The following VAMP7 variants were observed in gnomAD, a reference collection of about 807,000 sequenced individuals.
VAMP7 encodes the protein vesicle associated membrane protein 7, also known as vesicle-associated membrane protein 7.
In VAMP7, 14 loss-of-function variants were observed where a neutral mutation model predicts 29.6. The ratio of observed to expected loss-of-function variants is 0.47; its 90% CI spans 0.31 to 0.74. The LOEUF is 0.74. Ranked by LOEUF, VAMP7 falls within the 30% of genes least tolerant of loss-of-function variation. VAMP7 has a pLI of 0.05. For missense variants in VAMP7, 223 were observed against 262.4 expected (o/e 0.85, Z 1.04); for synonymous variants, 95 against 88.1 (o/e 1.08, Z -0.44).
At chrX:155,927,481 C>CAAAAAA (rs531998416) in intron 6 of VAMP7, among the ~76,000 whole-genome samples, 16 of 111,606 alleles carry the variant, frequency 1.4e-4, no homozygotes, top group African/African-American at 5.2e-4. Flanking sequence ...TTCGATTTGC[C>CAAAAAA]AAAAAAAAAA....
chrX:155,926,651 C>T (rs2066471317), intron 6 of VAMP7, among the ~76,000 whole-genome samples: 1 of 152,182 alleles, frequency 6.6e-6, no homozygotes, highest in African/African-American at 2.4e-5. Flanking sequence ...AGTAGCACTC[C>T]TGATTTCCTT....
intron 6 of VAMP7, among the ~76,000 whole-genome samples, chrX:155,926,021 G>T (rs1413043889): frequency 6.6e-6 from 1 of 152,112 alleles, no homozygotes; most frequent in Non-Finnish European, 1.5e-5. Flanking sequence ...CAGATCTTCT[G>T]TACACCATCC....
rs778335440 is a variant in VAMP7, at chrX:155,943,165, A to G, written c.*1214A>G. The G allele has an allele frequency of 4.7e-5, 7 of 148,736 alleles. No homozygotes were observed. The South Asian group carries it at 1.3e-3, about 29-fold the overall frequency. The allele number at this position is 148,736 out of a possible 1,614,324, so 9.2% of individuals were successfully genotyped here. On this transcript the variant is annotated 3_prime_UTR_variant, in exon 8 of 8. Transcript: ENST00000286448. ...GCATTTCTGGTGTGTATCTGAAAGG[A>G]AGACATTTTCTACCCTAGATCCAAT...
At chrX:155,936,111 T>TGG (rs1401311261) in intron 6 of VAMP7, among the ~76,000 whole-genome samples, 1 of 152,112 alleles carries the variant, frequency 6.6e-6, no homozygotes, top group Non-Finnish European at 1.5e-5. Flanking sequence ...CTGCCTCTAC[T>TGG]GGGGGGTACC....
intron 5 of VAMP7, among the ~76,000 whole-genome samples, chrX:155,905,300 C>G (rs985038442): frequency 6.6e-6 from 1 of 151,840 alleles, no homozygotes; most frequent in Non-Finnish European, 1.5e-5. Flanking sequence ...TATAACAGTA[C>G]TTTATATATT....
At chrX:155,912,162 A>G (rs1365242726) in intron 5 of VAMP7, among the ~76,000 whole-genome samples, 1 of 152,008 alleles carries the variant, frequency 6.6e-6, no homozygotes, top group Admixed American at 6.6e-5. Context: ...TATTCCTTCT[A>G]TGCCTAGTTT....
At chrX:155,940,584 AG>A (rs1006645357) in intron 7 of VAMP7, among the ~76,000 whole-genome samples, 12 of 151,790 alleles carry the variant, frequency 7.9e-5, no homozygotes, top group African/African-American at 2.7e-4. Flanking sequence ...TGATTTGTGC[AG>A]CTGAATTGTT....
intron 6 of VAMP7, among the ~76,000 whole-genome samples, chrX:155,926,137 T>C (rs2376577): frequency 0.62 from 94,038 of 151,952 alleles, 29,298 homozygotes; most frequent in African/African-American, 0.69. Flanking sequence ...GAATGGTAAA[T>C]TACCATTGGC....
chrX:155,921,888 G>A (rs2066400876), intron 6 of VAMP7, among the ~76,000 whole-genome samples: 1 of 151,754 alleles, frequency 6.6e-6, no homozygotes, highest in Non-Finnish European at 1.5e-5. Context: ...TTAATATATA[G>A]GTCACTTTAG....
chrX:155,908,158 G>C (rs1469312415), intron 5 of VAMP7, among the ~76,000 whole-genome samples: 1 of 152,240 alleles, frequency 6.6e-6, no homozygotes, highest in African/African-American at 2.4e-5. Flanking sequence ...AGACGGGGTG[G>C]CGGCTGGGCA....
At chrX:155,934,030 T>G (rs1328573810) in intron 6 of VAMP7, among the ~76,000 whole-genome samples, 1 of 152,220 alleles carries the variant, frequency 6.6e-6, no homozygotes, top group Non-Finnish European at 1.5e-5. Context: ...TTCTTAATCT[T>G]GAGTTCTAAT....
At chrX:155,935,691 TTTCTC>T (rs1192574504) in intron 6 of VAMP7, among the ~76,000 whole-genome samples, 2 of 152,200 alleles carry the variant, frequency 1.3e-5, no homozygotes, top group Non-Finnish European at 2.9e-5. Flanking sequence ...GAAGCCTTCT[TTTCTC>T]AACTCGTCAA....
intron 5 of VAMP7, among the ~76,000 whole-genome samples, chrX:155,912,363 C>CT (rs900762506): frequency 3.3e-5 from 5 of 151,892 alleles, no homozygotes. Context: ...CACATTTGCT[C>CT]TTTTTTTATT....
intron 5 of VAMP7, among the ~76,000 whole-genome samples, chrX:155,908,057 C>T (rs28370503): frequency 0.59 from 88,872 of 150,538 alleles, 26,231 homozygotes; most frequent in East Asian, 0.67. Flanking sequence ...CGGGCAGAGA[C>T]GCTCCTCACT....
At chrX:155,939,565 A>G in intron 6 of VAMP7, 136 bp from the exon 7 acceptor site, 2 of 719,180 alleles carry the variant, frequency 2.8e-6, no homozygotes, top group Non-Finnish European at 5.1e-6. Context: ...TTGAGTATGA[A>G]TGGCCAGTCT....
intron 6 of VAMP7, among the ~76,000 whole-genome samples, chrX:155,936,685 C>T (rs1189948717): frequency 1.3e-5 from 2 of 152,174 alleles, no homozygotes; most frequent in Non-Finnish European, 1.5e-5. Flanking sequence ...GGCTCACGCT[C>T]GGTGGGCTGC....
intron 5 of VAMP7, among the ~76,000 whole-genome samples, chrX:155,906,789 G>A (rs1176623546): frequency 6.6e-6 from 1 of 152,016 alleles, no homozygotes; most frequent in Non-Finnish European, 1.5e-5. Flanking sequence ...TTTTCAGTCT[G>A]GATGCTTTTC....
At position 155,904,424 on chromosome X, in the gene VAMP7, T is replaced by G. The variant is rs571812303; in HGVS notation, c.433+3837T>G. Among the ~76,000 whole-genome samples, 282 of 152,222 alleles carry G rather than the reference T, an allele frequency of 1.9e-3. 1 individual carries two copies. The highest frequency in any genetic ancestry group is 6.6e-3 in the African/African-American group (276 of 41,560). On this transcript the variant is annotated intron_variant, in intron 5 of 7. Transcript: ENST00000286448. Reference sequence around the variant, plus strand: ...AACATTCCTAGTTAATTCCCTTTCATTTTTTTAACAGCTTAATTGAAATAT... The same window carrying G: ...AACATTCCTAGTTAATTCCCTTTCAGTTTTTTAACAGCTTAATTGAAATAT...
At chrX:155,930,834 A>T (rs759017400) in intron 6 of VAMP7, among the ~76,000 whole-genome samples, 133 of 152,052 alleles carry the variant, frequency 8.7e-4, no homozygotes, top group African/African-American at 3.0e-3. Flanking sequence ...TACATTAGGT[A>T]TATCTCCAAA....
Sources: gnomAD v4.1 joint callset for allele counts (sites outside exome capture counted in the v4.1 genomes callset) on GRCh38, gnomAD v4.1.1 for gene constraint, MANE v1.5 for transcripts, NCBI Gene and HGNC (gene_info 2026-07-23, HGNC 2026-07-21) for gene names.